The following EPB41L3 variants were observed in gnomAD, a reference collection of about 807,000 sequenced individuals.
The protein encoded by EPB41L3 is erythrocyte membrane protein band 4.1 like 3.
In EPB41L3, 57 loss-of-function variants were observed where a neutral mutation model predicts 127.1. The observed-to-expected ratio is 0.45, with a 90% confidence interval of 0.36 to 0.56. EPB41L3 has a LOEUF of 0.56. Ranked by LOEUF, EPB41L3 falls within the 20% of genes least tolerant of loss-of-function variation. The pLI is 0.00. For missense variants in EPB41L3, 1,273 were observed against 1,372.2 expected (o/e 0.93, Z 1.14); for synonymous variants, 572 against 549.5 (o/e 1.04, Z -0.57).
intron 3 of EPB41L3, among the ~76,000 whole-genome samples, chr18:5,459,801 C>CT (rs529384431): frequency 4.6e-5 from 7 of 152,188 alleles, no homozygotes; most frequent in East Asian, 1.9e-4. Context: ...AAAATGTATC[C>CT]TTTTTTTCTA....
At chr18:5,570,225 T>G (rs1046196087) in intron 3 of EPB41L3, 1 of 152,156 alleles carries the variant, frequency 6.6e-6, no homozygotes, top group Non-Finnish European at 1.5e-5. Flanking sequence ...TAGGTAAGCT[T>G]TAAAATTATA....
At chr18:5,418,198 C>T (rs922632517) in intron 12 of EPB41L3, among the ~76,000 whole-genome samples, 9 of 152,170 alleles carry the variant, frequency 5.9e-5, no homozygotes, top group African/African-American at 2.2e-4. Flanking sequence ...AGACATTCTG[C>T]CCAGAGTGCT....
intron 1 of EPB41L3, among the ~76,000 whole-genome samples, chr18:5,623,065 A>G (rs955700123): frequency 3.7e-5 from 5 of 135,844 alleles, no homozygotes; most frequent in Non-Finnish European, 7.6e-5. Context: ...AATTTTTTTC[A>G]TCCTGTATGT....
At chr18:5,559,265 C>T (rs2094087401) in intron 3 of EPB41L3, among the ~76,000 whole-genome samples, 1 of 152,122 alleles carries the variant, frequency 6.6e-6, no homozygotes, top group Non-Finnish European at 1.5e-5. Context: ...ATTAAAAGCC[C>T]TCTTTACAAA....
At chr18:5,497,756 C>T (rs1014786295) in intron 1 of EPB41L3, among the ~76,000 whole-genome samples, 5 of 152,130 alleles carry the variant, frequency 3.3e-5, no homozygotes, top group Non-Finnish European at 7.4e-5. Context: ...TGGATATATT[C>T]CTGTGGTTTA....
At chr18:5,603,585 G>A (rs2094612900) in intron 3 of EPB41L3, among the ~76,000 whole-genome samples, 1 of 152,122 alleles carries the variant, frequency 6.6e-6, no homozygotes, top group Admixed American at 6.5e-5. Flanking sequence ...AACTGCAGGA[G>A]CTATAAAATT....
intron 3 of EPB41L3, among the ~76,000 whole-genome samples, chr18:5,474,317 G>C (rs556673506): frequency 5.0e-4 from 76 of 152,176 alleles, no homozygotes; most frequent in African/African-American, 1.7e-3. Context: ...GAGAAAGCAC[G>C]ATCTGAAAAG....
At chr18:5,441,328 G>A (rs1323827466) in intron 5 of EPB41L3, among the ~76,000 whole-genome samples, 2 of 152,134 alleles carry the variant, frequency 1.3e-5, no homozygotes, top group Non-Finnish European at 2.9e-5. Context: ...TTTTGGAAGT[G>A]GAGATGATGG....
intron 10 of EPB41L3, 85 bp from the exon 11 acceptor site, chr18:5,423,638 T>C: frequency 8.0e-7 from 1 of 1,250,606 alleles, no homozygotes; most frequent in Non-Finnish European, 1.1e-6. Flanking sequence ...TGAGAGGTCA[T>C]GTGTTTTGCA....
intron 3 of EPB41L3, among the ~76,000 whole-genome samples, chr18:5,556,712 G>T (rs996688362): frequency 2.0e-5 from 3 of 152,178 alleles, no homozygotes; most frequent in Non-Finnish European, 4.4e-5. Flanking sequence ...AACAGAGCAG[G>T]AAACATGGAG....
intron 11 of EPB41L3, 82 bp from the exon 12 acceptor site, chr18:5,419,959 AAATCC>A: frequency 6.2e-7 from 1 of 1,608,298 alleles, no homozygotes; most frequent in Non-Finnish European, 8.5e-7. Flanking sequence ...TAAAGAAATA[AAATCC>A]AAAATAGTTA....
intron 1 of EPB41L3, among the ~76,000 whole-genome samples, chr18:5,539,248 TTC>T (rs10598127): frequency 0.7 from 103,453 of 148,384 alleles, 36,859 homozygotes; most frequent in East Asian, 0.85. Flanking sequence ...CCTTTCTGCT[TTC>T]TCTCTCTCTC....
intron 2 of EPB41L3, among the ~76,000 whole-genome samples, chr18:5,488,431 G>A (rs1414018439): frequency 1.3e-5 from 2 of 151,986 alleles, no homozygotes; most frequent in South Asian, 2.1e-4. Flanking sequence ...GGGGGCTAGG[G>A]GAGGGATAGC....
intron 3 of EPB41L3, among the ~76,000 whole-genome samples, chr18:5,563,231 A>C (rs2094156153): frequency 6.6e-6 from 1 of 152,194 alleles, no homozygotes; most frequent in East Asian, 1.9e-4. Flanking sequence ...GTAAGGCCCA[A>C]GTGATTGACA....
At chr18:5,412,504 G>A (rs2076319131) in intron 13 of EPB41L3, among the ~76,000 whole-genome samples, 1 of 152,062 alleles carries the variant, frequency 6.6e-6, no homozygotes, top group African/African-American at 2.4e-5. Flanking sequence ...GGGATTACAG[G>A]GGTAAGCCAC....
chr18:5,421,974 G>A (rs1212603127), intron 11 of EPB41L3, among the ~76,000 whole-genome samples: 2 of 151,960 alleles, frequency 1.3e-5, no homozygotes, highest in African/African-American at 2.4e-5. Flanking sequence ...AAAAGCTACT[G>A]AAATTTTAAA....
chr18:5,556,217 G>T (rs756156638), intron 3 of EPB41L3, among the ~76,000 whole-genome samples: 4 of 152,218 alleles, frequency 2.6e-5, no homozygotes, highest in Non-Finnish European at 5.9e-5. Flanking sequence ...GTAGCCAGGG[G>T]CTCACTACTT....
At chr18:5,452,029 T>A (rs906971061) in intron 3 of EPB41L3, among the ~76,000 whole-genome samples, 1 of 152,048 alleles carries the variant, frequency 6.6e-6, no homozygotes, top group Non-Finnish European at 1.5e-5. Flanking sequence ...AGTAGAGACA[T>A]GGTTTTGACA....
intron 3 of EPB41L3, among the ~76,000 whole-genome samples, chr18:5,462,276 G>T (rs963985462): frequency 6.6e-6 from 1 of 152,100 alleles, no homozygotes; most frequent in Non-Finnish European, 1.5e-5. Flanking sequence ...TTACCACTTT[G>T]TACAGCTGAA....
Sources: gnomAD v4.1 joint callset for allele counts (sites outside exome capture counted in the v4.1 genomes callset) on GRCh38, gnomAD v4.1.1 for gene constraint, MANE v1.5 for transcripts, NCBI Gene and HGNC (gene_info 2026-07-23, HGNC 2026-07-21) for gene names.